The following P2RX5 variants were observed in gnomAD, a reference collection of about 807,000 sequenced individuals.
The protein encoded by P2RX5 is P2X purinoceptor 5.
In P2RX5, 46 loss-of-function variants were observed where a neutral mutation model predicts 54.1. The ratio of observed to expected loss-of-function variants is 0.85; its 90% CI spans 0.67 to 1.09. The LOEUF is 1.09. Ranked by LOEUF, P2RX5 falls within the 50% of genes least tolerant of loss-of-function variation. P2RX5 has a pLI of 0.00. For missense variants in P2RX5, 566 were observed against 549.8 expected (o/e 1.03, Z -0.29); for synonymous variants, 226 against 226.4 (o/e 1.00, Z 0.02).
In P2RX5 at chr17:3,688,073, A is replaced by T. The variant is rs1424037814; in HGVS notation, c.920T>A (p.Val307Glu). ...GGCTTTCATCAGGGTGCGGAACTCC[A>T]CCCCGGCTGCGTCTCGGTAATATCT... Reference protein sequence around the residue: ...FARYYRDAAGVEFRTLMKAYG... With the variant: ...FARYYRDAAGEEFRTLMKAYG... The change falls in exon 9 of 12, where the codon GTG becomes GAG. Residue 307 changes from valine (V) to glutamate (E), a missense_variant. Coordinates refer to ENST00000225328, the MANE Select transcript of P2RX5 (RefSeq NM_002561.4). 6.2e-7 allele frequency: 1 copy of T among 1,600,656 alleles called. No individual in the cohort carries two copies. The highest frequency in any genetic ancestry group is 1.7e-5 in the Admixed American group (1 of 58,904).
chr17:3,688,959 C>A (rs565502042), intron 7 of P2RX5, among the ~76,000 whole-genome samples, 200 bp from the exon 8 acceptor site: 1 of 152,326 alleles, frequency 6.6e-6, no homozygotes, highest in Admixed American at 6.5e-5. Flanking sequence ...AGGGCTGCCT[C>A]CCTCGTTCTT....
chr17:3,715,230 T>G, the P2RX5 span, among the ~76,000 whole-genome samples: 1 of 152,222 alleles, frequency 6.6e-6, no homozygotes, highest in Admixed American at 6.5e-5. Flanking sequence ...TCGGCTGTAC[T>G]GGATCTAATC....
At chr17:3,688,207 C>T (rs1282576257) in intron 8 of P2RX5, 102 bp from the exon 9 acceptor site, 2 of 724,554 alleles carry the variant, frequency 2.8e-6, no homozygotes, top group Admixed American at 2.0e-5. Flanking sequence ...ACTCCCGGAA[C>T]CCTGACTCTC....
intron 9 of P2RX5, among the ~76,000 whole-genome samples, chr17:3,684,376 G>A (rs1166882612): frequency 3.9e-5 from 6 of 152,262 alleles, no homozygotes; most frequent in East Asian, 1.9e-4. Flanking sequence ...GGCCAATGCC[G>A]GAGGATTGCC....
In P2RX5 at chr17:3,678,030, T is replaced by G. The variant is rs576931935; in HGVS notation, c.1259+1560A>C. 6 of 985,466 alleles carry G rather than the reference T, an allele frequency of 6.1e-6. No individual in the cohort carries two copies. The South Asian group carries it at 2.3e-4, about 39-fold the overall frequency. The allele number at this position is 985,466 out of a possible 1,614,324, so 61.0% of individuals were successfully genotyped here. On this transcript the variant is annotated intron_variant, in intron 11 of 11. Coordinates refer to ENST00000225328, the MANE Select transcript of P2RX5 (RefSeq NM_002561.4). Reference sequence around the variant, plus strand: ...CCCAGTTCAGAGCTGCGGGTTGTTCTGGCCCCAAAGTTTTCAGCGACACTG... The same window carrying G: ...CCCAGTTCAGAGCTGCGGGTTGTTCGGGCCCCAAAGTTTTCAGCGACACTG...
At chr17:3,701,084 G>T (rs769787649), upstream of P2RX5, among the ~76,000 whole-genome samples, 5 of 152,176 alleles carry the variant, frequency 3.3e-5, no homozygotes, top group African/African-American at 9.7e-5. Context: ...TAAAGGACGG[G>T]ATGAGCAGTG....
chr17:3,706,385 G>T, the P2RX5 span, among the ~76,000 whole-genome samples: 1 of 152,072 alleles, frequency 6.6e-6, no homozygotes, highest in Non-Finnish European at 1.5e-5. Flanking sequence ...GTGAGCCACT[G>T]TGCCTGGCCC....
At chr17:3,682,014 C>T (rs1450519296) in intron 9 of P2RX5, 36 bp from the exon 10 acceptor site, 5 of 1,422,494 alleles carry the variant, frequency 3.5e-6, no homozygotes, top group Middle Eastern at 3.5e-4. Flanking sequence ...GAATCCTAGA[C>T]CTCTGAGAGC....
At chr17:3,685,109 C>T (rs138337690) in intron 9 of P2RX5, among the ~76,000 whole-genome samples, 10 of 152,156 alleles carry the variant, frequency 6.6e-5, no homozygotes, top group Non-Finnish European at 1.2e-4. Flanking sequence ...CCTCCCAAAG[C>T]ACTGGGATTA....
chr17:3,683,833 A>C (rs913883967), intron 9 of P2RX5, among the ~76,000 whole-genome samples: 2 of 152,046 alleles, frequency 1.3e-5, no homozygotes, highest in African/African-American at 4.8e-5. Flanking sequence ...GTCTGCAGGT[A>C]GGGATCCATG....
At position 3,673,682 on chromosome 17, in the gene P2RX5, G is replaced by A. The variant is rs899600719; in HGVS notation, c.*186C>T. On this transcript the variant is annotated 3_prime_UTR_variant, in exon 12 of 12. Coordinates refer to ENST00000225328, the MANE Select transcript of P2RX5 (RefSeq NM_002561.4). ...AAGACAGCCATGATGGGTCCGTCCTGATGACCCCAGCATCAGACGTGGAGG... is the reference window on the plus strand; with the variant it reads ...AAGACAGCCATGATGGGTCCGTCCTAATGACCCCAGCATCAGACGTGGAGG... The A allele has an allele frequency of 6.6e-7, 1 of 1,524,190 alleles. No homozygotes were observed. Among genetic ancestry groups the A allele is most frequent in the African/African-American group, 1.4e-5 (1 of 73,110 alleles). The allele number at this position is 1,524,190 out of a possible 1,614,324, so 94.4% of individuals were successfully genotyped here.
intron 10 of P2RX5, among the ~76,000 whole-genome samples, chr17:3,680,329 ATCCTCCACCCTGCGTCCTCCACCCAGTG>A (rs2050224574): frequency 5.5e-5 from 2 of 36,176 alleles, no homozygotes; most frequent in African/African-American, 2.4e-4. Context: ...TCCACCCTGC[ATCCTCCACCCTGCGTCCTCCACCCAGTG>A]TCCTCCACCC....
At chr17:3,707,339 G>A in the P2RX5 span, among the ~76,000 whole-genome samples, 1 of 152,174 alleles carries the variant, frequency 6.6e-6, no homozygotes, top group Non-Finnish European at 1.5e-5. Flanking sequence ...CCACCGAACA[G>A]TCAGAAACCC....
chr17:3,680,523 GCGTCCTC>G (rs1293414397), intron 10 of P2RX5, among the ~76,000 whole-genome samples: 4 of 120,734 alleles, frequency 3.3e-5, no homozygotes, highest in African/African-American at 7.2e-5. Flanking sequence ...CCTCCACCCT[GCGTCCTC>G]CACCCAGCGT....
At chr17:3,688,881 C>A in intron 7 of P2RX5, 122 bp from the exon 8 acceptor site, 2 of 1,051,054 alleles carry the variant, frequency 1.9e-6, no homozygotes, top group East Asian at 4.8e-5. Flanking sequence ...GTCAGCCCCT[C>A]GAGACCACCC....
chr17:3,694,295 A>G (rs1395103418), intron 1 of P2RX5, among the ~76,000 whole-genome samples: 1 of 133,854 alleles, frequency 7.5e-6, no homozygotes, highest in East Asian at 2.8e-4. Flanking sequence ...GAATAGGCAA[A>G]TCCATAGAGA....
chr17:3,720,407 A>C, the P2RX5 span: 1 of 1,293,450 alleles, frequency 7.7e-7, no homozygotes, highest in Non-Finnish European at 1.1e-6. Flanking sequence ...TAGTAACTAG[A>C]AGATGGGGAA....
intron 11 of P2RX5, among the ~76,000 whole-genome samples, chr17:3,679,331 G>T (rs1415135877): frequency 6.6e-6 from 1 of 152,184 alleles, no homozygotes. Flanking sequence ...GGAGCAGCGC[G>T]CTGTTATCAT....
intron 5 of P2RX5, 116 bp from the exon 6 acceptor site, chr17:3,690,266 G>T: frequency 1.7e-6 from 2 of 1,201,114 alleles, no homozygotes; most frequent in Non-Finnish European, 2.5e-6. Flanking sequence ...GCCCAGGACA[G>T]TTAATTTGCT....
Sources: gnomAD v4.1 joint callset for allele counts (sites outside exome capture counted in the v4.1 genomes callset) on GRCh38, gnomAD v4.1.1 for gene constraint, MANE v1.5 for transcripts, NCBI Gene and HGNC (gene_info 2026-07-23, HGNC 2026-07-21) for gene names.